Variants in NSRP1 observed in about 807,000 individuals in gnomAD.
NSRP1 encodes nuclear speckle splicing regulatory protein 1.
A neutral mutation model predicts 54.7 loss-of-function variants in NSRP1; 24 were observed. The observed-to-expected ratio is 0.44, with a 90% CI of 0.32 to 0.62. NSRP1 has a LOEUF of 0.62. NSRP1 is among the 20% of genes least tolerant of loss of function. The pLI is 0.06. For missense variants in NSRP1, 596 were observed against 651.2 expected (o/e 0.92, Z 0.92); for synonymous variants, 210 against 213.8 (o/e 0.98, Z 0.15).
At chr17:30,135,129 C>A (rs1331831221) in intron 2 of NSRP1, among the ~76,000 whole-genome samples, 1 of 151,760 alleles carries the variant, frequency 6.6e-6, no homozygotes, top group Non-Finnish European at 1.5e-5. Context: ...TTCTTTCTTT[C>A]TTTATTTGAG....
rs767634011 is a variant in NSRP1 at position 30,118,167 on chromosome 17, T to C, written c.108T>C (p.Asp36=). ...TGTTTGGGAATGATTCTGATGATGA[T>C]GATGAGGTAAGGAAACCTATGTTTT... ...PSVFGNDSDD[D]DETSVSESLQ... is the part of the protein sequence containing the mutation. The change falls in exon 2 of 7, where the codon GAT becomes GAC. Residue 36 remains aspartate (D), a synonymous_variant. Transcript: ENST00000247026. The C allele has an allele frequency of 1.2e-6, 2 of 1,613,316 alleles. No homozygotes were observed. The highest frequency in any genetic ancestry group is 1.1e-5 in the South Asian group (1 of 91,046).
Position 30,178,092 on chromosome 17 carries a change from G to T in NSRP1, c.193G>T (p.Ala65Ser). The T allele has an allele frequency of 6.2e-7, 1 of 1,611,840 alleles. No homozygotes were observed. Among genetic ancestry groups the T allele is most frequent in the South Asian group, 1.1e-5 (1 of 90,138 alleles). Residue 65 changes from alanine to serine, a missense_variant, in exon 4 of 7, where the codon GCC becomes TCC. Coordinates refer to ENST00000247026, the MANE Select transcript of NSRP1 (RefSeq NM_032141.4). ...TAAGACCAAACTGGAAATCCAGAAG[G>T]CCCTTGCAGAAGATGCTACTGTGTA... ...MKQTKLEIQK[A>S]LAEDATVYEY...
At chr17:30,149,708 G>A (rs1192874321) in intron 2 of NSRP1, among the ~76,000 whole-genome samples, 3 of 151,888 alleles carry the variant, frequency 2.0e-5, no homozygotes, top group Non-Finnish European at 4.4e-5. Context: ...TGTGGCACAT[G>A]CCTGTGGTCC....
chr17:30,168,514 A>T (rs1904814852), intron 2 of NSRP1, among the ~76,000 whole-genome samples: 1 of 150,952 alleles, frequency 6.6e-6, no homozygotes, highest in African/African-American at 2.4e-5. Flanking sequence ...ATTACATAGT[A>T]TAATTATTAT....
At chr17:30,164,424 G>T (rs1184071485) in intron 2 of NSRP1, among the ~76,000 whole-genome samples, 1 of 152,104 alleles carries the variant, frequency 6.6e-6, no homozygotes, top group Non-Finnish European at 1.5e-5. Context: ...TTTATAAGTT[G>T]ATTTTTTTTC....
At chr17:30,168,755 CAGAAAAA>C (rs1340916454) in intron 2 of NSRP1, 1 of 151,480 alleles carries the variant, frequency 6.6e-6, no homozygotes, top group Non-Finnish European at 1.5e-5. Context: ...GTTACTATTA[CAGAAAAA>C]AGTAAAAGTT....
chr17:30,178,154 A>G lies in NSRP1; in HGVS notation c.255A>G (p.Lys85=). The part of the protein sequence containing the change: ...YDSIYDEMQK[K]KEENNPKLLL... The stretch of plus-strand genomic sequence containing the variant: ...GTATTTATGATGAAATGCAGAAAAA[A>G]AAGGAGGAAAATAATCCCAAATTGC... Residue 85 remains lysine (K), a synonymous_variant, in exon 4 of 7, where the codon AAA becomes AAG. Transcript: ENST00000247026. 2 of 1,610,442 alleles carry G rather than the reference A, an allele frequency of 1.2e-6. No individual in the cohort carries two copies. The highest frequency in any genetic ancestry group is 8.5e-7 in the Non-Finnish European group (1 of 1,179,094).
intron 2 of NSRP1, among the ~76,000 whole-genome samples, chr17:30,138,909 GTTTTTTTTTTTT>G (rs964449971): frequency 3.4e-5 from 2 of 58,140 alleles, no homozygotes; most frequent in East Asian, 8.4e-4. Flanking sequence ...AAGTCTTAGC[GTTTTTTTTTTTT>G]TTTTTTTTTT....
intron 2 of NSRP1, among the ~76,000 whole-genome samples, chr17:30,143,043 TAAC>T (rs1356655987): frequency 2.0e-5 from 3 of 152,218 alleles, no homozygotes; most frequent in African/African-American, 7.2e-5. Context: ...TGAAGTTAAA[TAAC>T]AAAATTAGCT....
At chr17:30,141,144 C>A (rs138101256) in intron 2 of NSRP1, among the ~76,000 whole-genome samples, 2 of 152,062 alleles carry the variant, frequency 1.3e-5, no homozygotes, top group African/African-American at 4.8e-5. Context: ...ATTCATTGTC[C>A]GCTGTCTTTT....
intron 2 of NSRP1, among the ~76,000 whole-genome samples, chr17:30,170,179 A>G (rs1245488641): frequency 1.3e-5 from 2 of 152,172 alleles, no homozygotes; most frequent in African/African-American, 2.4e-5. Flanking sequence ...CAGTGTCAGT[A>G]TATTTGCAAA....
At chr17:30,161,336 T>TTC (rs1474465260) in intron 2 of NSRP1, among the ~76,000 whole-genome samples, 1 of 152,192 alleles carries the variant, frequency 6.6e-6, no homozygotes, top group Non-Finnish European at 1.5e-5. Flanking sequence ...TATACTAGGT[T>TTC]TCTATATATG....
At chr17:30,135,487 T>C (rs2071741882) in intron 2 of NSRP1, among the ~76,000 whole-genome samples, 1 of 151,368 alleles carries the variant, frequency 6.6e-6, no homozygotes. Context: ...TTTTGTTTTG[T>C]TTTTCAGACG....
chr17:30,163,724 CAGGCT>C (rs1904624062), intron 2 of NSRP1, among the ~76,000 whole-genome samples: 3 of 148,694 alleles, frequency 2.0e-5, no homozygotes, highest in African/African-American at 7.5e-5. Flanking sequence ...CTCTGTCACC[CAGGCT>C]AGAGTGCAGT....
intron 2 of NSRP1, among the ~76,000 whole-genome samples, chr17:30,139,767 G>A (rs1031712842): frequency 6.6e-6 from 1 of 152,222 alleles, no homozygotes; most frequent in Non-Finnish European, 1.5e-5. Context: ...GCTCACGCCT[G>A]TAATCCCAGC....
chr17:30,117,759 G>GTTT (rs79120191), intron 1 of NSRP1, among the ~76,000 whole-genome samples: 2 of 115,106 alleles, frequency 1.7e-5, no homozygotes, highest in African/African-American at 4.4e-5. Context: ...CACTACACAT[G>GTTT]TTTTTTTTTT....
At chr17:30,167,469 C>T (rs186402763) in intron 2 of NSRP1, among the ~76,000 whole-genome samples, 22 of 152,042 alleles carry the variant, frequency 1.4e-4, no homozygotes, top group Admixed American at 1.2e-3. Flanking sequence ...ATTAGCTGGG[C>T]ATGGTGGTGT....
chr17:30,175,238 G>A (rs1194923583), intron 3 of NSRP1, among the ~76,000 whole-genome samples: 4 of 152,058 alleles, frequency 2.6e-5, no homozygotes, highest in Non-Finnish European at 4.4e-5. Context: ...TACAGATTTT[G>A]ATAGGCAGTA....
At position 30,128,921 on chromosome 17, in the gene NSRP1, T is replaced by G. The variant is rs370377537; in HGVS notation, c.114+10748T>G. On this transcript the variant is annotated intron_variant, in intron 2 of 6. Coordinates refer to ENST00000247026, the MANE Select transcript of NSRP1 (RefSeq NM_032141.4). ...GGCAGACAATGAGTGGTTTTTTTGT[T>G]TTTTTTTTTTTAATTTGTAGAGATG... is the stretch of plus-strand genomic sequence containing the variant. Among the ~76,000 whole-genome samples, 731 of 148,342 alleles carry G rather than the reference T, an allele frequency of 4.9e-3. 2 individuals carry two copies. The highest frequency in any genetic ancestry group is 8.4e-3 in the Non-Finnish European group (558 of 66,762).
Sources: allele counts gnomAD v4.1 joint callset (sites outside exome capture counted in the v4.1 genomes callset), GRCh38; gene constraint gnomAD v4.1.1; transcripts MANE v1.5; gene names NCBI Gene and HGNC (gene_info 2026-07-23, HGNC 2026-07-21).